The following TNKS variants were observed in gnomAD, a reference collection of about 807,000 sequenced individuals.
The protein encoded by TNKS is tankyrase, also known as poly [ADP-ribose] polymerase tankyrase-1.
A neutral mutation model predicts 135.8 loss-of-function variants in TNKS; 72 were observed. That is an observed-to-expected ratio of 0.53 (90% CI 0.44 to 0.64). The LOEUF (loss-of-function observed/expected upper bound fraction) is 0.64. Among genes scored for constraint, TNKS ranks in the 30% least tolerant of loss-of-function variants. The probability of loss-of-function intolerance (pLI) is 0.00; values close to 1 mark genes in which losing one functional copy is unlikely to be tolerated. For synonymous variants in TNKS, 849 were observed against 649.3 expected, an observed-to-expected ratio of 1.31 and a Z score of -4.68; for missense variants, 1,769 against 1,674.0, an observed-to-expected ratio of 1.06 and a Z score of -0.99.
chr8:9,689,103 G>C (rs1450760612), intron 5 of TNKS, among the ~76,000 whole-genome samples: 2 of 152,088 alleles, frequency 1.3e-5, no homozygotes, highest in Non-Finnish European at 2.9e-5. Context: ...GGAATACTAA[G>C]CATTCAGTCA....
intron 3 of TNKS, among the ~76,000 whole-genome samples, chr8:9,638,088 C>T (rs1291548881): frequency 3.3e-5 from 5 of 152,182 alleles, no homozygotes; most frequent in Non-Finnish European, 5.9e-5. Flanking sequence ...CCCACCTCAG[C>T]CTCCCAAACC....
At chr8:9,730,419 G>A (rs572987472) in intron 13 of TNKS, among the ~76,000 whole-genome samples, 1 of 152,222 alleles carries the variant, frequency 6.6e-6, no homozygotes, top group South Asian at 2.1e-4. Flanking sequence ...CCAGGGAGTG[G>A]CCCAGGCAGA....
chr8:9,567,261 A>T (rs960079975), intron 1 of TNKS, among the ~76,000 whole-genome samples: 1 of 152,162 alleles, frequency 6.6e-6, no homozygotes, highest in African/African-American at 2.4e-5. Context: ...TAAGTATGGT[A>T]TTGGAACATT....
rs887572895 is a variant in TNKS, at chr8:9,731,948, C to T, written c.2147+913C>T. Among the ~76,000 whole-genome samples the T allele has an allele frequency of 3.3e-5, 5 of 152,140 alleles. No homozygotes were observed. In the East Asian group the frequency reaches 7.8e-4, roughly 24 times the overall value. ...GACTACAGGCGCCCGTCACCACGCCCGGCTAATTTTTTGTATTTTTAGGAG... is the reference window on the plus strand; with the variant it reads ...GACTACAGGCGCCCGTCACCACGCCTGGCTAATTTTTTGTATTTTTAGGAG... On this transcript the variant is annotated intron_variant, in intron 14 of 26. Transcript: ENST00000310430.
rs1808459037 is a variant in TNKS at position 9,781,576 on chromosome 8, T to C, written c.*4840T>C. ...CTCTTCATGTGCATATAACACCTGC[T>C]TCTGCTCCCATTGTTTCAAGCTCAT... On this transcript the variant is annotated 3_prime_UTR_variant, in exon 27 of 27. Coordinates refer to ENST00000310430, the MANE Select transcript of TNKS (RefSeq NM_003747.3). The C allele has an allele frequency of 2.0e-5, 3 of 152,508 alleles. No individual in the cohort carries two copies. Among genetic ancestry groups the C allele is most frequent in the Admixed American group, 2.0e-4 (3 of 15,282 alleles). The allele number at this position is 152,508 out of a possible 1,614,324, so 9.4% of individuals were successfully genotyped here. A position where few individuals can be genotyped will look rare whatever the true frequency, so the allele number is the denominator to read the frequency against.
chr8:9,730,010 C>G (rs1021266099), intron 13 of TNKS, among the ~76,000 whole-genome samples: 2 of 152,014 alleles, frequency 1.3e-5, no homozygotes, highest in African/African-American at 2.4e-5. Flanking sequence ...CTCTTGACCT[C>G]GTGATCTGCC....
intron 26 of TNKS, among the ~76,000 whole-genome samples, chr8:9,774,876 T>C (rs1449811912): frequency 6.6e-6 from 1 of 152,182 alleles, no homozygotes; most frequent in Non-Finnish European, 1.5e-5. Flanking sequence ...GAAAGTATTA[T>C]AGATATTAAA....
At chr8:9,747,040 G>T (rs905802296) in intron 17 of TNKS, among the ~76,000 whole-genome samples, 2 of 151,718 alleles carry the variant, frequency 1.3e-5, no homozygotes, top group Admixed American at 6.6e-5. Context: ...GCACCACCAT[G>T]CCCAGCTAAT....
intron 14 of TNKS, among the ~76,000 whole-genome samples, chr8:9,732,552 A>G (rs1805496903): frequency 6.6e-6 from 1 of 151,920 alleles, no homozygotes; most frequent in Non-Finnish European, 1.5e-5. Flanking sequence ...TGCTCATTTT[A>G]ACAGTTAGCA....
intron 8 of TNKS, among the ~76,000 whole-genome samples, 200 bp downstream of exon 8, chr8:9,707,197 G>A (rs542880775): frequency 6.6e-6 from 1 of 152,034 alleles, no homozygotes; most frequent in South Asian, 2.1e-4. Context: ...GTATTTATTC[G>A]AGCCTAGTTT....
At chr8:9,633,081 A>G (rs1053866145) in intron 3 of TNKS, among the ~76,000 whole-genome samples, 2 of 150,670 alleles carry the variant, frequency 1.3e-5, no homozygotes, top group Non-Finnish European at 3.0e-5. Context: ...GCATTATGGA[A>G]AATGGTACAT....
At chr8:9,758,692 C>G (rs982069597) in intron 20 of TNKS, among the ~76,000 whole-genome samples, 1 of 152,162 alleles carries the variant, frequency 6.6e-6, no homozygotes, top group Middle Eastern at 3.2e-3. Context: ...AGGGCTGGGA[C>G]CCGCTTTCAA....
At chr8:9,626,219 C>T (rs1371548826) in intron 3 of TNKS, among the ~76,000 whole-genome samples, 1 of 152,142 alleles carries the variant, frequency 6.6e-6, no homozygotes, top group Non-Finnish European at 1.5e-5. Context: ...GCCACTCCTG[C>T]CTTTTTAAAA....
chr8:9,592,607 G>A (rs140734961), intron 2 of TNKS, among the ~76,000 whole-genome samples: 4 of 152,238 alleles, frequency 2.6e-5, no homozygotes, highest in African/African-American at 9.6e-5. Flanking sequence ...CATGTACCAC[G>A]TTCTCTGTGG....
Position 9,564,506 on chromosome 8 carries a change from A to G in TNKS, c.673+7894A>G, listed in dbSNP as rs543715655. On this transcript the variant is annotated intron_variant, in intron 1 of 26. Transcript: ENST00000310430. Reference sequence around the variant, plus strand: ...GAATAAACATGAGCTCTGTGATGACATGAGGGAGAAAACACTATAGTAGTT... The same window carrying G: ...GAATAAACATGAGCTCTGTGATGACGTGAGGGAGAAAACACTATAGTAGTT... Among the ~76,000 whole-genome samples the G allele has an allele frequency of 9.2e-5, 14 of 152,378 alleles. No homozygotes were observed. The East Asian group carries it at 2.5e-3, about 27-fold the overall frequency.
chr8:9,611,235 G>T (rs1455987046), intron 2 of TNKS, among the ~76,000 whole-genome samples: 2 of 152,216 alleles, frequency 1.3e-5, no homozygotes, highest in African/African-American at 4.8e-5. Context: ...TCTGGAATTT[G>T]AGGTTTAATA....
At chr8:9,706,765 C>A in intron 7 of TNKS, 46 bp from the exon 8 acceptor site, 1 of 1,521,764 alleles carries the variant, frequency 6.6e-7, no homozygotes, top group South Asian at 1.3e-5. Flanking sequence ...TTTATTTGAT[C>A]CAGCAAAATG....
chr8:9,717,690 A>G (rs1000882573), intron 11 of TNKS, among the ~76,000 whole-genome samples: 1 of 152,172 alleles, frequency 6.6e-6, no homozygotes, highest in South Asian at 2.1e-4. Context: ...GAGGATGTAT[A>G]AAGTTTGAAT....
At chr8:9,696,496 A>G (rs1803520697) in intron 5 of TNKS, among the ~76,000 whole-genome samples, 1 of 152,180 alleles carries the variant, frequency 6.6e-6, no homozygotes. Flanking sequence ...AAAAAAAACA[A>G]GTCAAACTAC....
Sources: allele counts gnomAD v4.1 joint callset (sites outside exome capture counted in the v4.1 genomes callset), GRCh38; gene constraint gnomAD v4.1.1; transcripts MANE v1.5; gene names NCBI Gene and HGNC (gene_info 2026-07-23, HGNC 2026-07-21).